Variants in SF3A2 observed in about 807,000 individuals in gnomAD.
The protein encoded by SF3A2 is splicing factor 3a subunit 2, also known as SAP 62.
A neutral mutation model predicts 31.1 loss-of-function variants in SF3A2; 5 were observed. That is an observed-to-expected ratio of 0.16 (90% CI 0.08 to 0.34). The LOEUF (loss-of-function observed/expected upper bound fraction) is 0.34, where lower values mean the gene tolerates loss of function less well. SF3A2 is among the 10% of genes least tolerant of loss of function. The probability of loss-of-function intolerance (pLI) is 1.00; values close to 1 mark genes in which losing one functional copy is unlikely to be tolerated. For synonymous variants in SF3A2, 365 were observed against 263.7 expected, an observed-to-expected ratio of 1.38 and a Z score of -3.72; for missense variants, 577 against 643.9, an observed-to-expected ratio of 0.90 and a Z score of 1.13.
chr19:2,243,985 G>A (rs904954800), intron 2 of SF3A2, among the ~76,000 whole-genome samples: 12 of 152,300 alleles, frequency 7.9e-5, no homozygotes, highest in Admixed American at 2.6e-4. Flanking sequence ...CTCTGTTACC[G>A]TCCCCGTCTT....
chr19:2,247,022 G>A lies in SF3A2; in HGVS notation c.546G>A (p.Lys182=), dbSNP rs780446569. The A allele has an allele frequency of 3.8e-6, 5 of 1,307,656 alleles. No homozygotes were observed. The South Asian group carries it at 6.1e-5, about 16-fold the overall frequency. The allele number at this position is 1,307,656 out of a possible 1,614,324, so 81.0% of individuals were successfully genotyped here. A position where few individuals can be genotyped will look rare whatever the true frequency, so the allele number is the denominator to read the frequency against. ...AGCCCTACGAGACCATTGCCTTCAA[G>A]GTAGCGTGGCTGCGGGGTTCCCTGG... ...AAEPYETIAF[K]VPSREIDKAE... The change falls in exon 7 of 9, where the codon AAG becomes AAA. Residue 182 remains lysine (K), a splice_region_variant and synonymous_variant. Coordinates refer to ENST00000221494, the MANE Select transcript of SF3A2 (RefSeq NM_007165.5).
Position 2,246,725 on chromosome 19 carries a change from C to A in SF3A2, c.356-28C>A. The A allele has an allele frequency of 6.2e-7, 1 of 1,613,632 alleles. No individual in the cohort carries two copies. The highest frequency in any genetic ancestry group is 8.5e-7 in the Non-Finnish European group (1 of 1,179,834). ...CTCAGCTTCGGAGAGGACAAGCAGC[C>A]GGGACCTGAGAGCTTTCTGTGTTGC... On this transcript the variant is annotated intron_variant, in intron 5 of 8. Transcript: ENST00000221494. This position sits in a 1 kb window ranked among gnomAD's most constrained non-coding sequence, Gnocchi z 5.5.
Position 2,245,830 on chromosome 19 carries a change from A to T in SF3A2, c.355+275A>T. 1 of 485,068 alleles carries T rather than the reference A, an allele frequency of 2.1e-6. No individual in the cohort carries two copies. 30.0% of individuals were successfully genotyped at this position (485,068 alleles called of 1,614,324 possible). ...CCGGGTCTTGTGGAAGCTTCTGGGAATTCTTGCCAAGCAAAAGAGTGGAAG... is the reference window on the plus strand; with the variant it reads ...CCGGGTCTTGTGGAAGCTTCTGGGATTTCTTGCCAAGCAAAAGAGTGGAAG... On this transcript the variant is annotated intron_variant, in intron 5 of 8. Transcript: ENST00000221494. This position sits in a 1 kb window ranked among gnomAD's most constrained non-coding sequence, Gnocchi z 4.2.
chr19:2,241,754 G>A (rs1293812825), intron 1 of SF3A2, among the ~76,000 whole-genome samples: 1 of 152,234 alleles, frequency 6.6e-6, no homozygotes, highest in African/African-American at 2.4e-5. Context: ...TCCTTCTGGT[G>A]TCACAGTCTC....
In SF3A2 at chr19:2,247,990, T is replaced by C; in HGVS notation, c.839T>C (p.Leu280Pro). The C allele has an allele frequency of 3.4e-6, 3 of 872,984 alleles. No homozygotes were observed. Among genetic ancestry groups the C allele is most frequent in the Non-Finnish European group, 5.2e-6 (3 of 574,718 alleles). 54.1% of individuals were successfully genotyped at this position (872,984 alleles called of 1,614,324 possible). Reference sequence around the variant, plus strand: ...TCAGGGCCCCCGGGACCACCCCAGCTACCCCCGCCAGCTCCAGGGGTCCAC... The same window carrying C: ...TCAGGGCCCCCGGGACCACCCCAGCCACCCCCGCCAGCTCCAGGGGTCCAC... Reference protein sequence around the residue: ...APSGPPGPPQLPPPAPGVHPP... With the variant: ...APSGPPGPPQPPPPAPGVHPP... Residue 280 changes from leucine to proline, a missense_variant, in exon 9 of 9, where the codon CTA becomes CCA. Physicochemically the swap from Leu to Pro is moderately conservative, Grantham distance 98 (BLOSUM62 -3). Coordinates refer to ENST00000221494, the MANE Select transcript of SF3A2 (RefSeq NM_007165.5).
At chr19:2,247,279 A>G (rs1349033824) in intron 7 of SF3A2, 1 of 542,980 alleles carries the variant, frequency 1.8e-6, no homozygotes, top group African/African-American at 1.9e-5. Context: ...GCCTTTGCCA[A>G]GTGACCTCAC....
chr19:2,237,409 C>CAA (rs57302783), intron 1 of SF3A2: 7,042 of 106,970 alleles, frequency 0.066, 371 homozygotes, highest in East Asian at 0.21. Flanking sequence ...CCCATCACTG[C>CAA]AAAAAAAAAA....
At chr19:2,242,903 T>C (rs2024903347) in intron 1 of SF3A2, among the ~76,000 whole-genome samples, 1 of 152,060 alleles carries the variant, frequency 6.6e-6, no homozygotes, top group South Asian at 2.1e-4. Context: ...CAAATTTACA[T>C]CGAGCCCAAG....
Position 2,247,947 on chromosome 19 carries a change from C to A in SF3A2, c.796C>A (p.Pro266Thr). 2.1e-6 allele frequency: 3 copies of A among 1,428,376 alleles called. No homozygotes were observed. Among genetic ancestry groups the A allele is most frequent in the Admixed American group, 1.8e-5 (1 of 55,898 alleles). The allele number at this position is 1,428,376 out of a possible 1,614,324, so 88.5% of individuals were successfully genotyped here. ...AGGCCTGCCTCTGCCACCCATGCCC[C>A]CCACAGGGCCTGCGCCCTCAGGGCC... ...PGGLPLPPMP[P>T]TGPAPSGPPG... The change falls in exon 9 of 9, where the codon CCC becomes ACC. Residue 266 changes from proline to threonine, a missense_variant. By Grantham distance (38) the Pro-to-Thr change is conservative. Around this residue, in one of 6 missense-constraint regions of SF3A2, gnomAD observed 462 missense variants for 339.1 expected, o/e 1.36. Transcript: ENST00000221494.
At position 2,246,234 on chromosome 19, in the gene SF3A2, G is replaced by A. The variant is rs1454874652; in HGVS notation, c.356-519G>A. Among the ~76,000 whole-genome samples the A allele has an allele frequency of 6.6e-6, 1 of 152,098 alleles. No homozygotes were observed. Among genetic ancestry groups the A allele is most frequent in the East Asian group, 1.9e-4 (1 of 5,174 alleles). On this transcript the variant is annotated intron_variant, in intron 5 of 8. Coordinates refer to ENST00000221494, the MANE Select transcript of SF3A2 (RefSeq NM_007165.5). This position sits in a 1 kb window ranked among gnomAD's most constrained non-coding sequence, Gnocchi z 5.5. ...AGGTCCTGGGCTTGGGCTCAGGACGGTGAGGCGGCAGAGGGCTTGTGAGTG... is the reference window on the plus strand; with the variant it reads ...AGGTCCTGGGCTTGGGCTCAGGACGATGAGGCGGCAGAGGGCTTGTGAGTG...
At chr19:2,242,183 G>C (rs542086492) in intron 1 of SF3A2, among the ~76,000 whole-genome samples, 16 of 142,042 alleles carry the variant, frequency 1.1e-4, no homozygotes, top group African/African-American at 3.2e-4. Flanking sequence ...GCACACCTGC[G>C]GCCACTGTGC....
In SF3A2 at chr19:2,238,687, C is replaced by T. The variant is rs564066019; in HGVS notation, c.-38+1786C>T. 2.6e-4 allele frequency among the ~76,000 whole-genome samples: 39 copies of T among 152,240 alleles called. No individual in the cohort carries two copies. In the East Asian group the frequency reaches 7.1e-3, roughly 28 times the overall value. ...TACCATGAGCCTGATTTTCTTTTAC[C>T]TGCTGTTTGTTTTTTCCCCACAAAG... On this transcript the variant is annotated intron_variant, in intron 1 of 8. Coordinates refer to ENST00000221494, the MANE Select transcript of SF3A2 (RefSeq NM_007165.5).
rs1262797481 is a variant in SF3A2 at position 2,243,368 on chromosome 19, C to T, written c.-37-14C>T. The T allele has an allele frequency of 6.8e-7, 1 of 1,478,290 alleles. No individual in the cohort carries two copies. The allele number at this position is 1,478,290 out of a possible 1,614,324, so 91.6% of individuals were successfully genotyped here. A position where few individuals can be genotyped will look rare whatever the true frequency, so the allele number is the denominator to read the frequency against. ...TCTGAGCCATCTTCCTCACTCTCCT[C>T]TTGGCCTCCACAGGTGTCTCCCAGT... On this transcript the variant is annotated splice_polypyrimidine_tract_variant and intron_variant, in intron 1 of 8. Transcript: ENST00000221494.
intron 1 of SF3A2, 89 bp from the exon 2 acceptor site, chr19:2,243,293 G>A (rs552901562): frequency 1.1e-5 from 13 of 1,130,868 alleles, no homozygotes; most frequent in Non-Finnish European, 1.3e-5. Context: ...GGGCAGTCTC[G>A]AGGGCTCCAG....
At chr19:2,238,501 T>C (rs1046666910) in intron 1 of SF3A2, among the ~76,000 whole-genome samples, 14 of 152,224 alleles carry the variant, frequency 9.2e-5, no homozygotes, top group African/African-American at 2.9e-4. Flanking sequence ...CACCTTCACC[T>C]TCCATATCCT....
chr19:2,245,337 C>T lies in SF3A2; in HGVS notation c.246-109C>T, dbSNP rs2024922654. 1 of 775,634 alleles carries T rather than the reference C, an allele frequency of 1.3e-6. No homozygotes were observed. The highest frequency in any genetic ancestry group is 2.7e-5 in the East Asian group (1 of 37,208). The allele number at this position is 775,634 out of a possible 1,614,324, so 48.0% of individuals were successfully genotyped here. A position where few individuals can be genotyped will look rare whatever the true frequency, so the allele number is the denominator to read the frequency against. ...CTCCCAGGCCCCTGGCCCTCCTCAT[C>T]TCTCAGCTTGTAGTGAGCTCCAAGG... On this transcript the variant is annotated intron_variant, in intron 4 of 8. Transcript: ENST00000221494. The surrounding 1 kb of genome is among the most constrained non-coding windows in gnomAD (Gnocchi z 4.2).
intron 1 of SF3A2, among the ~76,000 whole-genome samples, chr19:2,240,161 C>T (rs576704958): frequency 6.6e-6 from 1 of 152,202 alleles, no homozygotes; most frequent in African/African-American, 2.4e-5. Flanking sequence ...GCTGTTTCCC[C>T]GGAAAAGACT....
chr19:2,240,262 C>T (rs551438393), intron 1 of SF3A2, among the ~76,000 whole-genome samples: 2 of 152,222 alleles, frequency 1.3e-5, no homozygotes, highest in African/African-American at 2.4e-5. Flanking sequence ...GCTGCCCAGG[C>T]GGCAGGTCGT....
In SF3A2 at chr19:2,246,022, T is replaced by TA. The variant is rs1317051783; in HGVS notation, c.355+468dup. ...CTGGGGAAGTGACCAGGGTGGAAGATAGAGACTTGTGTCCATAGGGTTCAG... is the reference window on the plus strand; with the variant it reads ...CTGGGGAAGTGACCAGGGTGGAAGATAAGAGACTTGTGTCCATAGGGTTCAG... On this transcript the variant is annotated intron_variant, in intron 5 of 8. Transcript: ENST00000221494. The surrounding 1 kb of genome is among the most constrained non-coding windows in gnomAD (Gnocchi z 5.5). Among the ~76,000 whole-genome samples, 1 of 152,156 alleles carries TA rather than the reference T, an allele frequency of 6.6e-6. No homozygotes were observed. The highest frequency in any genetic ancestry group is 1.5e-5 in the Non-Finnish European group (1 of 68,030).
Sources: gnomAD v4.1 joint callset for allele counts (sites outside exome capture counted in the v4.1 genomes callset) on GRCh38, gnomAD v4.1.1 for gene constraint, gnomAD v4.1.1 regional missense constraint, Gnocchi (gnomAD v3.1) non-coding constraint, MANE v1.5 for transcripts, NCBI Gene and HGNC (gene_info 2026-07-23, HGNC 2026-07-21) for gene names.